SLCO2B1: variants seen among roughly 807,000 people sequenced by gnomAD.
The protein encoded by SLCO2B1 is OATP-RP2.
In SLCO2B1, 41 loss-of-function variants were observed where a neutral mutation model predicts 67.3. The ratio of observed to expected loss-of-function variants is 0.61; its 90% CI spans 0.47 to 0.79. The LOEUF is 0.79. SLCO2B1 is among the 30% of genes least tolerant of loss of function. The pLI, the probability that SLCO2B1 is intolerant of heterozygous loss-of-function variation, is 0.00. For synonymous variants in SLCO2B1, 379 were observed against 381.4 expected (o/e 0.99, Z 0.07); for missense variants, 837 against 920.1 (o/e 0.91, Z 1.17).
At chr11:75,158,641 A>G (rs1028301182) in intron 1 of SLCO2B1, among the ~76,000 whole-genome samples, 1 of 152,212 alleles carries the variant, frequency 6.6e-6, no homozygotes, top group African/African-American at 2.4e-5. Context: ...CCAAGGTGCC[A>G]TATTTGGAGA....
chr11:75,196,431 T>C, intron 9 of SLCO2B1, 83 bp from the exon 10 acceptor site: 1 of 1,416,364 alleles, frequency 7.1e-7, no homozygotes, highest in Non-Finnish European at 9.6e-7. Context: ...GCCATTGCTC[T>C]CGGCTACAGG....
intron 12 of SLCO2B1, 105 bp from the exon 13 acceptor site, chr11:75,203,202 C>T (rs893901015): frequency 6.7e-7 from 1 of 1,486,140 alleles, no homozygotes. Context: ...GCCAGACAGC[C>T]AAGAGGCCCC....
chr11:75,151,386 G>A lies in SLCO2B1; in HGVS notation c.5G>A (p.Gly2Glu). The change falls in exon 1 of 14, where the codon GGA (glycine) becomes GAA (glutamate). Residue 2 changes from glycine (G) to glutamate (E), a missense_variant. Coordinates refer to ENST00000289575, the MANE Select transcript of SLCO2B1 (RefSeq NM_007256.5). ...GCTCACTGCACTCCAGCAGTCATGG[G>A]ACCCAGGATAGGTAAGTCCGAACAA... M[G>E]PRIGPAGEVP... 6.2e-7 allele frequency: 1 copy of A among 1,613,750 alleles called. No individual in the cohort carries two copies. Among genetic ancestry groups the A allele is most frequent in the Non-Finnish European group, 8.5e-7 (1 of 1,179,898 alleles).
At chr11:75,187,945 C>T (rs2140332000) in intron 7 of SLCO2B1, among the ~76,000 whole-genome samples, 191 bp from the exon 8 acceptor site, 1 of 152,234 alleles carries the variant, frequency 6.6e-6, no homozygotes, top group Admixed American at 6.5e-5. Context: ...TTTATTCATC[C>T]TTTCAAAACC....
At position 75,169,648 on chromosome 11, in the gene SLCO2B1, T is replaced by C; in HGVS notation, c.683-18T>C. 1.9e-6 allele frequency: 3 copies of C among 1,597,014 alleles called. No homozygotes were observed. The highest frequency in any genetic ancestry group is 2.6e-6 in the Non-Finnish European group (3 of 1,168,568). On this transcript the variant is annotated intron_variant, in intron 5 of 13. Coordinates refer to ENST00000289575, the MANE Select transcript of SLCO2B1 (RefSeq NM_007256.5). ...GAAGCCAGGGCCAGAGGATCCTAAC[T>C]CAGGCTTTGTGTTGTAGGGATCCTG...
chr11:75,156,787 G>A (rs921254470), intron 1 of SLCO2B1, among the ~76,000 whole-genome samples: 4 of 152,224 alleles, frequency 2.6e-5, no homozygotes, highest in Admixed American at 2.6e-4. Flanking sequence ...GCTAAACAAG[G>A]GGTGGATTAT....
intron 7 of SLCO2B1, among the ~76,000 whole-genome samples, chr11:75,186,591 GA>G (rs1944936606): frequency 6.6e-6 from 1 of 151,940 alleles, no homozygotes; most frequent in Non-Finnish European, 1.5e-5. Context: ...GGGCTCAAGC[GA>G]TCCTCCCACC....
intron 7 of SLCO2B1, among the ~76,000 whole-genome samples, chr11:75,175,421 G>A (rs1337542845): frequency 6.6e-6 from 1 of 152,156 alleles, no homozygotes; most frequent in Non-Finnish European, 1.5e-5. Context: ...TGCAGGGCGA[G>A]AGAATGGGCA....
intron 1 of SLCO2B1, among the ~76,000 whole-genome samples, chr11:75,157,930 C>T (rs200176011): frequency 6.6e-6 from 1 of 152,128 alleles, no homozygotes; most frequent in Non-Finnish European, 1.5e-5. Context: ...GAATTACAGG[C>T]GTGAGCCACT....
intron 8 of SLCO2B1, among the ~76,000 whole-genome samples, chr11:75,191,634 G>C (rs1460069672): frequency 6.6e-6 from 1 of 152,174 alleles, no homozygotes; most frequent in Non-Finnish European, 1.5e-5. Context: ...TCCCATGACA[G>C]AGGCCCTGGT....
At chr11:75,199,326 G>A (rs1280608319) in intron 10 of SLCO2B1, among the ~76,000 whole-genome samples, 1 of 152,088 alleles carries the variant, frequency 6.6e-6, no homozygotes, top group Non-Finnish European at 1.5e-5. Flanking sequence ...TCTTGCCTTT[G>A]TCTGATTCCA....
In SLCO2B1 at chr11:75,205,326, G is replaced by A. The variant is rs1309553327; in HGVS notation, c.*746G>A. ...CCCTCAGGGAGCCACGGTTGAGGGT[G>A]AGGCCCAACACCTGCCTTAGGGCCC... On this transcript the variant is annotated 3_prime_UTR_variant, in exon 14 of 14. Transcript: ENST00000289575. 2.0e-5 allele frequency: 3 copies of A among 152,282 alleles called. No homozygotes were observed. The highest frequency in any genetic ancestry group is 4.4e-5 in the Non-Finnish European group (3 of 68,064). 9.4% of individuals were successfully genotyped at this position (152,282 alleles called of 1,614,324 possible).
At chr11:75,160,619 A>G (rs1949807074) in intron 1 of SLCO2B1, among the ~76,000 whole-genome samples, 1 of 152,090 alleles carries the variant, frequency 6.6e-6, no homozygotes, top group South Asian at 2.1e-4. Flanking sequence ...GTGTCCCATG[A>G]CACTCCTCTT....
At chr11:75,197,480 T>C (rs1205936864) in intron 10 of SLCO2B1, among the ~76,000 whole-genome samples, 1 of 152,202 alleles carries the variant, frequency 6.6e-6, no homozygotes, top group Non-Finnish European at 1.5e-5. Flanking sequence ...ACACACTGTT[T>C]CTGTTGGAGC....
intron 7 of SLCO2B1, among the ~76,000 whole-genome samples, chr11:75,184,937 T>G (rs1416115208): frequency 6.6e-6 from 1 of 152,136 alleles, no homozygotes; most frequent in South Asian, 2.1e-4. Flanking sequence ...AGGGAAATCT[T>G]GCAATCCATT....
chr11:75,181,614 C>T (rs1950092852), intron 7 of SLCO2B1, among the ~76,000 whole-genome samples: 1 of 152,166 alleles, frequency 6.6e-6, no homozygotes, highest in Non-Finnish European at 1.5e-5. Context: ...ACAAAGCCTT[C>T]TTTTAATAGG....
intron 7 of SLCO2B1, 86 bp downstream of exon 7, chr11:75,172,655 C>T (rs1282256784): frequency 6.1e-5 from 77 of 1,256,282 alleles, no homozygotes; most frequent in Middle Eastern, 1.9e-4. Flanking sequence ...TTCGGCTGGG[C>T]GTGGTGGCTC....
intron 7 of SLCO2B1, among the ~76,000 whole-genome samples, chr11:75,180,883 CCAAT>C (rs1275829099): frequency 6.6e-6 from 1 of 152,104 alleles, no homozygotes; most frequent in Non-Finnish European, 1.5e-5. Flanking sequence ...AATGGTGAAA[CCAAT>C]CAATTAAGGC....
At chr11:75,173,408 GA>G (rs1949988393) in intron 7 of SLCO2B1, among the ~76,000 whole-genome samples, 1 of 152,246 alleles carries the variant, frequency 6.6e-6, no homozygotes, top group Admixed American at 6.5e-5. Context: ...CGGGGACAGT[GA>G]AGGGAAGAAA....
Sources: gnomAD v4.1 joint callset for allele counts (sites outside exome capture counted in the v4.1 genomes callset) on GRCh38, gnomAD v4.1.1 for gene constraint, MANE v1.5 for transcripts, NCBI Gene and HGNC (gene_info 2026-07-23, HGNC 2026-07-21) for gene names.